Variants in KIZ observed in about 807,000 individuals in gnomAD.
KIZ encodes kizuna centrosomal protein, also known as centrosomal protein kizuna.
Under a neutral mutation model 79.6 loss-of-function variants are expected in KIZ, and 68 were observed. The ratio of observed to expected loss-of-function variants is 0.85; its 90% CI spans 0.70 to 1.05. The LOEUF is 1.05. Among genes scored for constraint, KIZ ranks in the 50% least tolerant of loss-of-function variants. The probability of loss-of-function intolerance (pLI) is 0.00; values close to 1 mark genes in which losing one functional copy is unlikely to be tolerated. For missense variants in KIZ, 797 were observed against 800.4 expected, an observed-to-expected ratio of 1.00 and a Z score of 0.05; for synonymous variants, 280 against 281.8, an observed-to-expected ratio of 0.99 and a Z score of 0.06.
rs146812685 is a variant in KIZ at position 21,241,213 on chromosome 20, C to T, written c.1881-3032C>T. ...AAAGTTCTCAGGCTTCTCCATCAGCCTTGCCTTAGCTTTACATATTAGGTA... is the reference window on the plus strand; with the variant it reads ...AAAGTTCTCAGGCTTCTCCATCAGCTTTGCCTTAGCTTTACATATTAGGTA... On this transcript the variant is annotated intron_variant, in intron 11 of 12. Transcript: ENST00000619189. Among the ~76,000 whole-genome samples, 17 of 152,300 alleles carry T rather than the reference C, an allele frequency of 1.1e-4. No homozygotes were observed. In the East Asian group the frequency reaches 2.7e-3, roughly 24 times the overall value.
intron 6 of KIZ, among the ~76,000 whole-genome samples, chr20:21,165,175 T>C (rs764438087): frequency 2.0e-5 from 3 of 152,174 alleles, no homozygotes; most frequent in Admixed American, 6.5e-5. Context: ...ATCACTTGAA[T>C]GAATTTAATT....
intron 11 of KIZ, among the ~76,000 whole-genome samples, chr20:21,242,291 C>T (rs540254992): frequency 1.1e-4 from 17 of 152,298 alleles, no homozygotes; most frequent in Non-Finnish European, 1.6e-4. Context: ...ACCTTGGAGG[C>T]ACTGCTTGGG....
chr20:21,161,400 C>T (rs767101495), intron 4 of KIZ, among the ~76,000 whole-genome samples: 56 of 152,278 alleles, frequency 3.7e-4, no homozygotes, highest in South Asian at 4.2e-4. Context: ...GGCATGATCT[C>T]GGCTGACTGC....
At chr20:21,137,694 G>A (rs928465279) in intron 3 of KIZ, among the ~76,000 whole-genome samples, 25 of 151,688 alleles carry the variant, frequency 1.6e-4, no homozygotes, top group Admixed American at 1.6e-3. Flanking sequence ...TCTTTCCTAA[G>A]CACTTGAGCG....
chr20:21,162,173 G>A lies in KIZ; in HGVS notation c.708G>A (p.Met236Ile), dbSNP rs778629258. ...GKASLQIGEK[M>I]PVTASVLSEE... ...CATCTCTTCAGATTGGTGAGAAAAT[G>A]CCAGTCACAGCCAGTGTATTGTCTG... Residue 236 changes from methionine (M) to isoleucine (I), a missense_variant, in exon 5 of 13, where the codon ATG becomes ATA. Met to Ile is a conservative substitution (Grantham distance 10). Transcript: ENST00000619189. The A allele has an allele frequency of 3.1e-6, 5 of 1,610,856 alleles. No homozygotes were observed. The highest frequency in any genetic ancestry group is 4.2e-6 in the Non-Finnish European group (5 of 1,178,158).
chr20:21,209,474 C>G (rs1165949189), intron 7 of KIZ, among the ~76,000 whole-genome samples: 2 of 151,984 alleles, frequency 1.3e-5, no homozygotes, highest in Non-Finnish European at 2.9e-5. Context: ...TACACACAGA[C>G]CAGTTTTATT....
At chr20:21,186,821 C>A (rs188400830) in intron 6 of KIZ, among the ~76,000 whole-genome samples, 2 of 152,070 alleles carry the variant, frequency 1.3e-5, no homozygotes, top group African/African-American at 4.8e-5. Context: ...CCTTCTTCCA[C>A]ACTTAATCCA....
chr20:21,198,934 T>C (rs765150283), intron 6 of KIZ: 3 of 152,334 alleles, frequency 2.0e-5, no homozygotes, highest in Non-Finnish European at 4.4e-5. Context: ...CCTTCTGCGC[T>C]CTCTAGGTCA....
intron 11 of KIZ, among the ~76,000 whole-genome samples, chr20:21,242,833 A>C (rs2123520231): frequency 6.6e-6 from 1 of 152,120 alleles, no homozygotes; most frequent in East Asian, 1.9e-4. Context: ...CAGCTCCCCC[A>C]ATCACCTGCC....
At chr20:21,217,264 G>A (rs2036331618) in intron 9 of KIZ, among the ~76,000 whole-genome samples, 1 of 152,146 alleles carries the variant, frequency 6.6e-6, no homozygotes, top group Non-Finnish European at 1.5e-5. Context: ...AGAGCTTCAC[G>A]CACCTTGGCA....
intron 4 of KIZ, among the ~76,000 whole-genome samples, chr20:21,151,991 G>A (rs377746384): frequency 5.3e-5 from 8 of 152,152 alleles, no homozygotes; most frequent in African/African-American, 9.7e-5. Context: ...TGCATATGGC[G>A]CCCAGAATCC....
At chr20:21,164,263 A>G (rs2033829184) in intron 6 of KIZ, among the ~76,000 whole-genome samples, 1 of 152,236 alleles carries the variant, frequency 6.6e-6, no homozygotes, top group Admixed American at 6.5e-5. Context: ...TGAAAAGTTT[A>G]TGAATAGGCT....
At chr20:21,147,899 T>G (rs1317707436) in intron 4 of KIZ, among the ~76,000 whole-genome samples, 1 of 151,646 alleles carries the variant, frequency 6.6e-6, no homozygotes, top group Non-Finnish European at 1.5e-5. Context: ...GAAAGCTACC[T>G]TGTGGGATTT....
At chr20:21,241,707 G>T (rs1489101542) in intron 11 of KIZ, among the ~76,000 whole-genome samples, 1 of 152,236 alleles carries the variant, frequency 6.6e-6, no homozygotes, top group Non-Finnish European at 1.5e-5. Context: ...ACATGCGGAA[G>T]TGAGGTCCCT....
intron 3 of KIZ, among the ~76,000 whole-genome samples, chr20:21,144,633 T>TATATTA (rs11472686): frequency 0.59 from 89,931 of 151,262 alleles, 27,699 homozygotes; most frequent in South Asian, 0.78. Context: ...TGAGACAGCA[T>TATATTA]ATATTACCTT....
At chr20:21,157,860 C>G (rs950378403) in intron 4 of KIZ, among the ~76,000 whole-genome samples, 6 of 152,156 alleles carry the variant, frequency 3.9e-5, no homozygotes, top group African/African-American at 1.4e-4. Flanking sequence ...AGTCGTTGCT[C>G]TGGTGTTGGT....
Position 21,232,763 on chromosome 20 carries a change from A to T in KIZ, c.1813A>T (p.Thr605Ser). 6.3e-7 allele frequency: 1 copy of T among 1,592,648 alleles called. No individual in the cohort carries two copies. The highest frequency in any genetic ancestry group is 8.6e-7 in the Non-Finnish European group (1 of 1,166,154). ...GLNIGSGAFE[T>S]KTANKIASEA... ...GAATATTGGCAGCGGTGCATTCGAG[A>T]CAAAGACAGCTAACAAAATTGCTTC... Residue 605 changes from threonine to serine, a missense_variant, in exon 11 of 13, where the codon ACA becomes TCA. Coordinates refer to ENST00000619189, the MANE Select transcript of KIZ (RefSeq NM_018474.6).
chr20:21,187,463 A>T (rs1035953463), intron 6 of KIZ, among the ~76,000 whole-genome samples: 1 of 152,200 alleles, frequency 6.6e-6, no homozygotes, highest in Non-Finnish European at 1.5e-5. Flanking sequence ...CACTTATCCT[A>T]GAGAAGTGAC....
chr20:21,162,570 C>CT, intron 5 of KIZ, 63 bp downstream of exon 5: 1 of 1,193,644 alleles, frequency 8.4e-7, no homozygotes, highest in Non-Finnish European at 1.2e-6. Flanking sequence ...TATGTAAGGA[C>CT]AAAATATACT....
Sources: allele counts gnomAD v4.1 joint callset (sites outside exome capture counted in the v4.1 genomes callset), GRCh38; gene constraint gnomAD v4.1.1; transcripts MANE v1.5; gene names NCBI Gene and HGNC (gene_info 2026-07-23, HGNC 2026-07-21).